The following SEMA6D variants were observed in gnomAD, a reference collection of about 807,000 sequenced individuals.
SEMA6D encodes the protein semaphorin 6D, also known as semaphorin-6D.
A neutral mutation model predicts 106.6 loss-of-function variants in SEMA6D; 35 were observed. The ratio of observed to expected loss-of-function variants is 0.33; its 90% CI spans 0.25 to 0.44. The LOEUF (loss-of-function observed/expected upper bound fraction) is 0.44. SEMA6D is among the 20% of genes least tolerant of loss of function. SEMA6D has a pLI of 1.00. For synonymous variants in SEMA6D, 499 were observed against 487.7 expected, an observed-to-expected ratio of 1.02 and a Z score of -0.31; for missense variants, 1,185 against 1,345.9, an observed-to-expected ratio of 0.88 and a Z score of 1.87.
At position 47,268,124 on chromosome 15, in the gene SEMA6D, A is replaced by G. The variant is rs569815202; in HGVS notation, c.-239+83706A>G. ...CGAGGTCCCCAGGTGATCTTTATGCACATTAATGTTTGAAAGGCACTGCTG... is the reference window on the plus strand; with the variant it reads ...CGAGGTCCCCAGGTGATCTTTATGCGCATTAATGTTTGAAAGGCACTGCTG... On this transcript the variant is annotated intron_variant, in intron 1 of 19. Transcript: ENST00000558014. 2.0e-5 allele frequency among the ~76,000 whole-genome samples: 3 copies of G among 152,252 alleles called. No homozygotes were observed. The South Asian group carries it at 6.2e-4, about 32-fold the overall frequency.
chr15:47,242,033 A>G (rs2032943480), intron 1 of SEMA6D, among the ~76,000 whole-genome samples: 1 of 152,054 alleles, frequency 6.6e-6, no homozygotes, highest in Non-Finnish European at 1.5e-5. Flanking sequence ...TGCTATTTAG[A>G]ACTTGTGTGG....
chr15:47,588,566 T>A (rs1329434673), intron 3 of SEMA6D, among the ~76,000 whole-genome samples: 1 of 152,136 alleles, frequency 6.6e-6, no homozygotes, highest in Non-Finnish European at 1.5e-5. Context: ...AAACCACAAA[T>A]CACGAATTTG....
intron 2 of SEMA6D, among the ~76,000 whole-genome samples, chr15:47,417,447 G>C (rs955182390): frequency 6.6e-6 from 1 of 151,248 alleles, no homozygotes; most frequent in East Asian, 1.9e-4. Flanking sequence ...GTGTGTCAGA[G>C]AGAGAGAGAG....
At chr15:47,386,513 G>C (rs981542867) in intron 1 of SEMA6D, among the ~76,000 whole-genome samples, 1 of 152,208 alleles carries the variant, frequency 6.6e-6, no homozygotes, top group Non-Finnish European at 1.5e-5. Flanking sequence ...CAGGGAAGGA[G>C]AGGGGAAAAG....
At chr15:47,616,539 G>A (rs763509176) in intron 4 of SEMA6D, among the ~76,000 whole-genome samples, 2 of 147,950 alleles carry the variant, frequency 1.4e-5, no homozygotes, top group Admixed American at 6.8e-5. Flanking sequence ...GAGAGAGCGA[G>A]TATAAGAATT....
chr15:47,703,632 A>C (rs1032135964), intron 4 of SEMA6D, among the ~76,000 whole-genome samples: 1 of 152,190 alleles, frequency 6.6e-6, no homozygotes, highest in Admixed American at 6.5e-5. Context: ...TTGCATTTAC[A>C]TAAAGGAAAG....
chr15:47,672,493 A>G (rs1352833144), intron 4 of SEMA6D, among the ~76,000 whole-genome samples: 1 of 152,248 alleles, frequency 6.6e-6, no homozygotes, highest in East Asian at 1.9e-4. Flanking sequence ...ATAGGAAGGT[A>G]GGGTTATATC....
chr15:47,298,439 C>T (rs917088486), intron 1 of SEMA6D, among the ~76,000 whole-genome samples: 1 of 152,014 alleles, frequency 6.6e-6, no homozygotes, highest in African/African-American at 2.4e-5. Context: ...CAGCATGAGT[C>T]TACCTACAGG....
At chr15:47,533,273 T>C (rs1323723467) in intron 3 of SEMA6D, among the ~76,000 whole-genome samples, 1 of 152,176 alleles carries the variant, frequency 6.6e-6, no homozygotes, top group African/African-American at 2.4e-5. Context: ...AGTATAGGTG[T>C]AAACCAATAA....
intron 1 of SEMA6D, among the ~76,000 whole-genome samples, chr15:47,737,354 G>A (rs1311255904): frequency 1.3e-5 from 2 of 151,992 alleles, no homozygotes; most frequent in Non-Finnish European, 2.9e-5. Context: ...CTGTTTATTT[G>A]GATGGAAGGT....
At chr15:47,409,886 A>G (rs1213756906) in intron 1 of SEMA6D, among the ~76,000 whole-genome samples, 1 of 108,198 alleles carries the variant, frequency 9.2e-6, no homozygotes, top group African/African-American at 3.4e-5. Context: ...TTTGCAAACT[A>G]TTTTCGGGGT....
intron 1 of SEMA6D, among the ~76,000 whole-genome samples, chr15:47,196,396 T>C (rs980456741): frequency 6.6e-6 from 1 of 152,150 alleles, no homozygotes; most frequent in Non-Finnish European, 1.5e-5. Context: ...TTGGATATTA[T>C]ATCCCTTGGG....
At chr15:47,218,584 C>A (rs2030886529) in intron 1 of SEMA6D, among the ~76,000 whole-genome samples, 1 of 152,184 alleles carries the variant, frequency 6.6e-6, no homozygotes, top group South Asian at 2.1e-4. Flanking sequence ...ACAACTCAGT[C>A]ATGCTTTTCA....
intron 3 of SEMA6D, among the ~76,000 whole-genome samples, chr15:47,539,411 T>C (rs2045284425): frequency 6.6e-6 from 1 of 151,294 alleles, no homozygotes; most frequent in East Asian, 1.9e-4. Flanking sequence ...GGCTCAGTTT[T>C]TTTTTTTGTT....
chr15:47,579,504 A>G (rs141950498), intron 3 of SEMA6D, among the ~76,000 whole-genome samples: 1 of 152,250 alleles, frequency 6.6e-6, no homozygotes, highest in Non-Finnish European at 1.5e-5. Context: ...AATTGAGGAA[A>G]TGCCCTATGT....
At chr15:47,439,545 A>G (rs1240957369) in intron 2 of SEMA6D, among the ~76,000 whole-genome samples, 3 of 152,114 alleles carry the variant, frequency 2.0e-5, no homozygotes, top group African/African-American at 7.2e-5. Context: ...CTAAGTGATG[A>G]TATGATCTGC....
At chr15:47,274,456 T>C (rs958918535) in intron 1 of SEMA6D, 1 of 152,198 alleles carries the variant, frequency 6.6e-6, no homozygotes, top group African/African-American at 2.4e-5. Flanking sequence ...TAATTTCTCA[T>C]GCTGTTCCTC....
At chr15:47,488,663 T>A (rs534535362) in intron 3 of SEMA6D, among the ~76,000 whole-genome samples, 173 of 151,478 alleles carry the variant, frequency 1.1e-3, no homozygotes, top group African/African-American at 4.0e-3. Flanking sequence ...AGGGAGGGAG[T>A]TAGCTAGAGG....
intron 4 of SEMA6D, among the ~76,000 whole-genome samples, chr15:47,614,699 C>G (rs1467786345): frequency 1.3e-5 from 2 of 152,216 alleles, no homozygotes; most frequent in African/African-American, 4.8e-5. Context: ...CCTCCAGTCT[C>G]TGTAGATCCA....
Sources: gnomAD v4.1 joint callset for allele counts (sites outside exome capture counted in the v4.1 genomes callset) on GRCh38, gnomAD v4.1.1 for gene constraint, MANE v1.5 for transcripts, NCBI Gene and HGNC (gene_info 2026-07-23, HGNC 2026-07-21) for gene names.